SYT14: variants seen among roughly 807,000 people sequenced by gnomAD.
The protein encoded by SYT14 is synaptotagmin-14.
SYT14 carries 32 observed loss-of-function variants against 74.2 expected under a neutral mutation model. The observed-to-expected ratio is 0.43, with a 90% CI of 0.33 to 0.58. SYT14 has a LOEUF of 0.58. Among genes scored for constraint, SYT14 ranks in the 20% least tolerant of loss-of-function variants. SYT14 has a pLI of 0.05. For synonymous variants in SYT14, 298 were observed against 337.7 expected, an observed-to-expected ratio of 0.88 and a Z score of 1.29; for missense variants, 791 against 981.8, an observed-to-expected ratio of 0.81 and a Z score of 2.60.
At chr1:210,147,833 G>A (rs528378537) in intron 7 of SYT14, among the ~76,000 whole-genome samples, 36 of 152,218 alleles carry the variant, frequency 2.4e-4, no homozygotes, top group African/African-American at 8.7e-4. Flanking sequence ...CATTGGGAAT[G>A]TGACATATGA....
chr1:210,148,647 G>A (rs2083093869), intron 7 of SYT14, among the ~76,000 whole-genome samples: 2 of 152,072 alleles, frequency 1.3e-5, no homozygotes, highest in African/African-American at 4.8e-5. Flanking sequence ...TGATTTAAGA[G>A]TAGTAGAAAA....
intron 5 of SYT14, among the ~76,000 whole-genome samples, chr1:210,024,757 G>A (rs2080374604): frequency 6.6e-6 from 1 of 152,146 alleles, no homozygotes; most frequent in African/African-American, 2.4e-5. Flanking sequence ...CATTTCCTTT[G>A]ACAGGAGAAT....
At chr1:210,149,735 A>G (rs1572383384) in intron 7 of SYT14, among the ~76,000 whole-genome samples, 1 of 152,232 alleles carries the variant, frequency 6.6e-6, no homozygotes, top group East Asian at 1.9e-4. Flanking sequence ...GAGTGTGGTA[A>G]TATCGTGATT....
At chr1:210,120,045 A>C (rs1344926579) in intron 7 of SYT14, among the ~76,000 whole-genome samples, 1 of 152,140 alleles carries the variant, frequency 6.6e-6, no homozygotes, top group African/African-American at 2.4e-5. Context: ...ATCTCTTAGA[A>C]TTGTTTTTAT....
intron 5 of SYT14, among the ~76,000 whole-genome samples, chr1:210,023,146 T>C (rs1341160322): frequency 1.3e-5 from 2 of 152,222 alleles, no homozygotes; most frequent in African/African-American, 4.8e-5. Context: ...ATTTATTTAT[T>C]TTGTAAACAC....
In SYT14 at chr1:209,952,763, C is replaced by T; in HGVS notation, c.-486+7C>T. 1 of 1,604,654 alleles carries T rather than the reference C, an allele frequency of 6.2e-7. No individual in the cohort carries two copies. The highest frequency in any genetic ancestry group is 1.3e-5 in the African/African-American group (1 of 74,856). ...CTTATCTGTATTAGAAAAGGTAAGT[C>T]ATTGCTCTGCATGGCTATTTACATA... On this transcript the variant is annotated splice_region_variant and intron_variant, in intron 2 of 9. Transcript: ENST00000637265.
At chr1:209,974,621 A>G (rs2079322298) in intron 2 of SYT14, among the ~76,000 whole-genome samples, 2 of 152,104 alleles carry the variant, frequency 1.3e-5, no homozygotes, top group Non-Finnish European at 2.9e-5. Context: ...GTAGCCTTGT[A>G]GTATAGTTTG....
intron 2 of SYT14, chr1:209,953,004 G>C: frequency 7.0e-7 from 1 of 1,429,746 alleles, no homozygotes; most frequent in Non-Finnish European, 9.3e-7. Flanking sequence ...TTGGTTGTTA[G>C]ACATGGTGAA....
intron 7 of SYT14, among the ~76,000 whole-genome samples, chr1:210,136,971 A>G (rs930928427): frequency 6.6e-6 from 1 of 152,180 alleles, no homozygotes; most frequent in Non-Finnish European, 1.5e-5. Flanking sequence ...TCACTAGATG[A>G]TTAGCAGTTG....
intron 4 of SYT14, among the ~76,000 whole-genome samples, chr1:210,018,799 T>C (rs1203259325): frequency 6.6e-6 from 1 of 152,102 alleles, no homozygotes; most frequent in East Asian, 1.9e-4. Context: ...GTAATATTAC[T>C]GGTACCTGTG....
At chr1:209,990,165 C>T (rs1558114242) in intron 2 of SYT14, among the ~76,000 whole-genome samples, 1 of 151,920 alleles carries the variant, frequency 6.6e-6, no homozygotes, top group Non-Finnish European at 1.5e-5. Flanking sequence ...TTCATTTTCC[C>T]TCCACCTTTC....
At chr1:209,995,877 A>G (rs1178526030) in intron 2 of SYT14, among the ~76,000 whole-genome samples, 1 of 142,192 alleles carries the variant, frequency 7.0e-6, no homozygotes, top group Non-Finnish European at 1.5e-5. Flanking sequence ...CTTACTCTTG[A>G]AACTCCTGTG....
At chr1:210,120,559 G>A (rs555823627) in intron 7 of SYT14, among the ~76,000 whole-genome samples, 115 of 152,062 alleles carry the variant, frequency 7.6e-4, no homozygotes, top group Middle Eastern at 3.4e-3. Context: ...TGTTCAGTAC[G>A]GTAACCTGCT....
At chr1:209,990,538 C>A (rs552323100) in intron 2 of SYT14, among the ~76,000 whole-genome samples, 1 of 40,072 alleles carries the variant, frequency 2.5e-5, no homozygotes, top group African/African-American at 1.7e-4. Context: ...TATATATATA[C>A]GTATATATAT....
chr1:210,013,329 C>G (rs2080121609), intron 2 of SYT14, among the ~76,000 whole-genome samples: 3 of 152,110 alleles, frequency 2.0e-5, no homozygotes, highest in African/African-American at 4.8e-5. Context: ...CTTGGCCTCC[C>G]ACAGTGCTGG....
chr1:210,007,607 T>C (rs1438252641), intron 2 of SYT14, among the ~76,000 whole-genome samples: 1 of 152,132 alleles, frequency 6.6e-6, no homozygotes, highest in Non-Finnish European at 1.5e-5. Flanking sequence ...AATTGCTTGC[T>C]ATTTTTTAAC....
intron 5 of SYT14, among the ~76,000 whole-genome samples, chr1:210,051,993 G>A (rs1022321925): frequency 6.6e-6 from 1 of 151,968 alleles, no homozygotes; most frequent in Admixed American, 6.6e-5. Flanking sequence ...TTAACTTTTG[G>A]ACCCTTTTTT....
intron 2 of SYT14, among the ~76,000 whole-genome samples, chr1:209,965,725 T>A (rs2079146095): frequency 6.6e-6 from 1 of 152,202 alleles, no homozygotes; most frequent in Non-Finnish European, 1.5e-5. Context: ...AGTTTTTATG[T>A]ATGATGTGAG....
chr1:209,977,548 G>A (rs1013674357), intron 2 of SYT14, among the ~76,000 whole-genome samples: 4 of 152,268 alleles, frequency 2.6e-5, no homozygotes, highest in East Asian at 1.9e-4. Context: ...CTGTCTTCTG[G>A]CTTGTAGAGT....
Sources: allele counts gnomAD v4.1 joint callset (sites outside exome capture counted in the v4.1 genomes callset), GRCh38; gene constraint gnomAD v4.1.1; transcripts MANE v1.5; gene names NCBI Gene and HGNC (gene_info 2026-07-23, HGNC 2026-07-21).